The following PTPN14 variants were observed in gnomAD, a reference collection of about 807,000 sequenced individuals.
The protein encoded by PTPN14 is tyrosine-protein phosphatase non-receptor type 14.
PTPN14 carries 53 observed loss-of-function variants against 126.8 expected under a neutral mutation model. That is an observed-to-expected ratio of 0.42 (90% CI 0.34 to 0.53). The LOEUF is 0.53. PTPN14 is among the 20% of genes least tolerant of loss of function. The probability of loss-of-function intolerance (pLI) is 0.08; values close to 1 mark genes in which losing one functional copy is unlikely to be tolerated. For missense variants in PTPN14, 1,257 were observed against 1,552.9 expected, an observed-to-expected ratio of 0.81 and a Z score of 3.20; for synonymous variants, 630 against 599.3, an observed-to-expected ratio of 1.05 and a Z score of -0.75.
intron 1 of PTPN14, chr1:214,531,453 CA>C (rs1034293522): frequency 1.3e-5 from 2 of 150,330 alleles, no homozygotes; most frequent in African/African-American, 2.5e-5. Flanking sequence ...ATAGTAGTTT[CA>C]AGACCCAACT....
intron 1 of PTPN14, among the ~76,000 whole-genome samples, chr1:214,510,369 T>C (rs1571633850): frequency 6.6e-6 from 1 of 152,190 alleles, no homozygotes. Flanking sequence ...GCACGTGCCG[T>C]TGGAAAAACA....
intron 3 of PTPN14, among the ~76,000 whole-genome samples, chr1:214,437,646 TC>T (rs1389095063): frequency 1.3e-5 from 2 of 152,196 alleles, no homozygotes; most frequent in Non-Finnish European, 2.9e-5. Context: ...CCTTGGATTC[TC>T]CATTCTGTTC....
chr1:214,372,287 T>G, intron 16 of PTPN14: 1 of 173,468 alleles, frequency 5.8e-6, no homozygotes, highest in Non-Finnish European at 1.1e-5. Flanking sequence ...GATGATGGCA[T>G]GTGGAGCTGG....
intron 1 of PTPN14, among the ~76,000 whole-genome samples, chr1:214,550,652 G>A (rs960148976): frequency 2.0e-5 from 3 of 152,174 alleles, no homozygotes; most frequent in African/African-American, 2.4e-5. Context: ...ACCCAAGTAG[G>A]AGCCTCGACG....
chr1:214,520,063 A>ATATATATATATATAT (rs1173435556), intron 1 of PTPN14, among the ~76,000 whole-genome samples: 15 of 78,082 alleles, frequency 1.9e-4, no homozygotes, highest in African/African-American at 1.1e-3. Context: ...AAAAAAAAAA[A>ATATATATATATATAT]AAATATATAT....
intron 2 of PTPN14, 22 bp from the exon 3 acceptor site, chr1:214,451,996 CA>C: frequency 6.2e-7 from 1 of 1,604,498 alleles, no homozygotes; most frequent in Non-Finnish European, 8.5e-7. Flanking sequence ...GGTAAAATAG[CA>C]TCAGTTCATG....
At chr1:214,481,511 C>CAAAAAAAAAA (rs371949252) in intron 1 of PTPN14, among the ~76,000 whole-genome samples, 2 of 67,448 alleles carry the variant, frequency 3.0e-5, no homozygotes, top group African/African-American at 6.8e-5. Flanking sequence ...AACTCCCGCT[C>CAAAAAAAAAA]AAAAAAAAAA....
intron 7 of PTPN14, 56 bp downstream of exon 7, chr1:214,401,629 C>T: frequency 7.1e-7 from 1 of 1,401,664 alleles, no homozygotes; most frequent in South Asian, 1.4e-5. Flanking sequence ...AATGGTTTTC[C>T]AAATGCCAGT....
rs879109043 is a variant in PTPN14 at position 214,402,784 on chromosome 1, C to T, written c.581+99G>A. 4.4e-6 allele frequency: 6 copies of T among 1,364,132 alleles called. No homozygotes were observed. The South Asian group carries it at 4.9e-5, about 11-fold the overall frequency. 84.5% of individuals were successfully genotyped at this position (1,364,132 alleles called of 1,614,324 possible). The stretch of plus-strand genomic sequence containing the variant: ...GGTGGAATAAATACAAGTGTGTTGG[C>T]TCAAGCCCAGAGTTGCTGATAGGGA... On this transcript the variant is annotated intron_variant, in intron 6 of 18. Transcript: ENST00000366956.
At chr1:214,497,940 G>A (rs1410364817) in intron 1 of PTPN14, among the ~76,000 whole-genome samples, 1 of 152,148 alleles carries the variant, frequency 6.6e-6, no homozygotes, top group Non-Finnish European at 1.5e-5. Flanking sequence ...CACAATGAGA[G>A]AGAAAAGGAC....
chr1:214,457,337 C>T (rs1369157067), intron 2 of PTPN14, among the ~76,000 whole-genome samples: 1 of 152,130 alleles, frequency 6.6e-6, no homozygotes, highest in Admixed American at 6.5e-5. Flanking sequence ...CTTTTTTACA[C>T]TCTTTTAAAA....
Position 214,517,038 on chromosome 1 carries a change from T to G in PTPN14, c.-155+34145A>C, listed in dbSNP as rs1655120702. Among the ~76,000 whole-genome samples the G allele has an allele frequency of 1.3e-5, 2 of 152,230 alleles. 1 individual carries two copies. Among genetic ancestry groups the G allele is most frequent in the Non-Finnish European group, 2.9e-5 (2 of 68,022 alleles). ...TCATCTTCCCACCAAATATGTCCTATCCAACCTTCCAGGCCCAGCTATCTC... is the reference window on the plus strand; with the variant it reads ...TCATCTTCCCACCAAATATGTCCTAGCCAACCTTCCAGGCCCAGCTATCTC... On this transcript the variant is annotated intron_variant, in intron 1 of 18. Transcript: ENST00000366956.
chr1:214,377,659 A>G (rs1274498789), intron 14 of PTPN14, among the ~76,000 whole-genome samples: 1 of 152,198 alleles, frequency 6.6e-6, no homozygotes, highest in Non-Finnish European at 1.5e-5. Context: ...ATTTTACAAA[A>G]CAGGAAGTGG....
In PTPN14 at chr1:214,384,502, C is replaced by T; in HGVS notation, c.1353G>A (p.Gln451=). The change falls in exon 13 of 19, where the codon CAG becomes CAA. Residue 451 remains glutamine, a synonymous_variant. Transcript: ENST00000366956. This position sits in a 1 kb window ranked among gnomAD's most constrained non-coding sequence, Gnocchi z 5.3. The stretch of plus-strand genomic sequence containing the variant: ...CTGTATGCAGGATCCCCCTCTTCAT[C>T]TGGCGCATGACTGTCTCATAATCGG... ...PTPDYETVMR[Q]MKRGILHTDS... is the part of the protein sequence containing the mutation. 1 of 1,614,142 alleles carries T rather than the reference C, an allele frequency of 6.2e-7. No individual in the cohort carries two copies. The highest frequency in any genetic ancestry group is 1.3e-5 in the African/African-American group (1 of 75,028).
At chr1:214,475,839 A>G (rs749146695) in intron 1 of PTPN14, among the ~76,000 whole-genome samples, 1 of 152,196 alleles carries the variant, frequency 6.6e-6, no homozygotes, top group Non-Finnish European at 1.5e-5. Flanking sequence ...TCACTCAGTG[A>G]CTAAAGACAA....
intron 3 of PTPN14, among the ~76,000 whole-genome samples, chr1:214,428,562 C>A (rs1238949359): frequency 6.6e-6 from 1 of 152,152 alleles, no homozygotes; most frequent in Non-Finnish European, 1.5e-5. Flanking sequence ...TCCCTCAAAT[C>A]CTCTGCCTAT....
intron 3 of PTPN14, among the ~76,000 whole-genome samples, chr1:214,436,786 C>CAAAAAAA (rs1159209240): frequency 1.3e-4 from 6 of 46,644 alleles, no homozygotes; most frequent in African/African-American, 3.8e-4. Flanking sequence ...GACTCCGTCT[C>CAAAAAAA]AAAAAAAAAA....
intron 3 of PTPN14, among the ~76,000 whole-genome samples, chr1:214,434,217 G>C (rs1659861446): frequency 6.6e-6 from 1 of 152,084 alleles, no homozygotes; most frequent in African/African-American, 2.4e-5. Flanking sequence ...AAAATTAGAA[G>C]GACAGGGTTC....
chr1:214,467,879 C>T (rs904756870), intron 1 of PTPN14, among the ~76,000 whole-genome samples: 1 of 152,014 alleles, frequency 6.6e-6, no homozygotes, highest in Non-Finnish European at 1.5e-5. Flanking sequence ...GATACGGTAT[C>T]AACAAAATGT....
Sources: allele counts gnomAD v4.1 joint callset (sites outside exome capture counted in the v4.1 genomes callset), GRCh38; gene constraint gnomAD v4.1.1; non-coding constraint Gnocchi (gnomAD v3.1); transcripts MANE v1.5; gene names NCBI Gene and HGNC (gene_info 2026-07-23, HGNC 2026-07-21).